The following NUGGC variants were observed in gnomAD, a reference collection of about 807,000 sequenced individuals.
NUGGC encodes the protein nuclear GTPase SLIP-GC.
In NUGGC, 58 loss-of-function variants were observed where a neutral mutation model predicts 92.6. The ratio of observed to expected loss-of-function variants is 0.63; its 90% CI spans 0.51 to 0.78. The LOEUF (loss-of-function observed/expected upper bound fraction) is 0.78. Among genes scored for constraint, NUGGC ranks in the 30% least tolerant of loss-of-function variants. NUGGC has a pLI of 0.00. For synonymous variants in NUGGC, 376 were observed against 366.4 expected, an observed-to-expected ratio of 1.03 and a Z score of -0.30; for missense variants, 925 against 964.6, an observed-to-expected ratio of 0.96 and a Z score of 0.54.
intron 13 of NUGGC, among the ~76,000 whole-genome samples, chr8:28,040,148 C>T (rs1157053483): frequency 6.6e-6 from 1 of 152,112 alleles, no homozygotes; most frequent in Non-Finnish European, 1.5e-5. Context: ...TGGTTCAGGC[C>T]ACCCAGTCTA....
intron 13 of NUGGC, among the ~76,000 whole-genome samples, chr8:28,034,439 A>G (rs895233189): frequency 6.6e-6 from 1 of 152,260 alleles, no homozygotes. Flanking sequence ...GCCACATAGC[A>G]TTGTACAATT....
intron 13 of NUGGC, among the ~76,000 whole-genome samples, chr8:28,035,210 A>G (rs1809524474): frequency 6.6e-6 from 1 of 152,156 alleles, no homozygotes; most frequent in Admixed American, 6.5e-5. Flanking sequence ...ACTTTCTGTG[A>G]TCTGGGTTTT....
chr8:28,028,458 G>T (rs1809325525), intron 17 of NUGGC, among the ~76,000 whole-genome samples: 1 of 152,232 alleles, frequency 6.6e-6, no homozygotes, highest in African/African-American at 2.4e-5. Context: ...GATGTTTCAA[G>T]AAGGCTGGTT....
At chr8:28,023,929 G>A (rs1000367926) in intron 18 of NUGGC, among the ~76,000 whole-genome samples, 66 of 152,156 alleles carry the variant, frequency 4.3e-4, no homozygotes, top group Non-Finnish European at 4.0e-4. Flanking sequence ...AACTTGTTTA[G>A]GTCACAGGGC....
chr8:28,067,774 C>G, intron 5 of NUGGC, 30 bp from the exon 6 acceptor site: 1 of 1,546,992 alleles, frequency 6.5e-7, no homozygotes, highest in Non-Finnish European at 8.9e-7. Flanking sequence ...CCAAGCCCCT[C>G]TTGACACAGA....
chr8:28,024,523 C>T (rs1326238162), intron 18 of NUGGC, among the ~76,000 whole-genome samples: 1 of 152,212 alleles, frequency 6.6e-6, no homozygotes, highest in East Asian at 1.9e-4. Flanking sequence ...AAATCTCTTC[C>T]TCTATCTATC....
At chr8:28,064,774 A>G in intron 6 of NUGGC, 43 bp from the exon 7 acceptor site, 1 of 1,547,696 alleles carries the variant, frequency 6.5e-7, no homozygotes, top group Non-Finnish European at 8.9e-7. Flanking sequence ...CCATGCACCC[A>G]GCTCTGTTCA....
At chr8:28,036,390 C>A (rs1439141657) in intron 13 of NUGGC, among the ~76,000 whole-genome samples, 1 of 151,980 alleles carries the variant, frequency 6.6e-6, no homozygotes, top group Admixed American at 6.6e-5. Flanking sequence ...CTGTCCTTCT[C>A]TCCACTCCTC....
chr8:28,045,651 T>C lies in NUGGC; in HGVS notation c.1322A>G (p.Lys441Arg), dbSNP rs1809813305. Reference sequence around the variant, plus strand: ...GCTCTTCCTGATGTATTCTCTTAACTTAGGGATTTCTGGAATTCACAGGCA... The same window carrying C: ...GCTCTTCCTGATGTATTCTCTTAACCTAGGGATTTCTGGAATTCACAGGCA... ...LLTEEETEIP[K>R]LREYIRKSLL... The change falls in exon 12 of 19, where the codon AAG becomes AGG. Residue 441 changes from lysine to arginine, a missense_variant. Lys to Arg is a conservative substitution (Grantham distance 26). Coordinates refer to ENST00000413272, the MANE Select transcript of NUGGC (RefSeq NM_001010906.2). The C allele has an allele frequency of 6.2e-7, 1 of 1,609,950 alleles. No homozygotes were observed.
In NUGGC at chr8:28,047,490, TA is replaced by T. The variant is rs747242958; in HGVS notation, c.1312+16del. On this transcript the variant is annotated intron_variant, in intron 11 of 18. Coordinates refer to ENST00000413272, the MANE Select transcript of NUGGC (RefSeq NM_001010906.2). ...CTTGAGAATTTTAGTGATGGAGATT[TA>T]AAAAACATAAATTACCCGTTTCCTC... 8.1e-5 allele frequency: 119 copies of T among 1,471,586 alleles called. 1 individual carries two copies. The South Asian group carries it at 1.3e-3, about 16-fold the overall frequency. The allele number at this position is 1,471,586 out of a possible 1,614,324, so 91.2% of individuals were successfully genotyped here.
intron 4 of NUGGC, among the ~76,000 whole-genome samples, chr8:28,069,300 A>G (rs769333521): frequency 2.0e-5 from 3 of 152,166 alleles, no homozygotes; most frequent in African/African-American, 4.8e-5. Flanking sequence ...AGTGATCATA[A>G]TAGCTCCTAC....
intron 2 of NUGGC, among the ~76,000 whole-genome samples, chr8:28,070,557 C>T (rs988208271): frequency 1.3e-4 from 19 of 151,462 alleles, no homozygotes; most frequent in African/African-American, 4.6e-4. Context: ...TCGAGACATG[C>T]CTGGGCAACA....
intron 2 of NUGGC, 25 bp from the exon 3 acceptor site, chr8:28,070,381 A>T: frequency 8.1e-7 from 1 of 1,232,886 alleles, no homozygotes; most frequent in African/African-American, 1.5e-5. Flanking sequence ...AGGATATATA[A>T]GATTATAGGT....
intron 3 of NUGGC, 178 bp downstream of exon 3, chr8:28,070,074 C>T: frequency 1.0e-5 from 10 of 982,970 alleles, no homozygotes; most frequent in Non-Finnish European, 1.2e-5. Context: ...CCCACAGATG[C>T]CTGGAGACAA....
At chr8:28,081,095 G>A (rs543708368) in intron 1 of NUGGC, among the ~76,000 whole-genome samples, 21 of 152,262 alleles carry the variant, frequency 1.4e-4, no homozygotes, top group African/African-American at 2.6e-4. Flanking sequence ...AAGGTGGGCC[G>A]ATCACTTGAG....
intron 10 of NUGGC, among the ~76,000 whole-genome samples, chr8:28,047,955 G>A (rs1809883175): frequency 6.6e-6 from 1 of 152,170 alleles, no homozygotes; most frequent in Non-Finnish European, 1.5e-5. Flanking sequence ...CACATGTCTG[G>A]AATAGGCAGT....
chr8:28,058,066 C>T (rs190088344), intron 9 of NUGGC, among the ~76,000 whole-genome samples, 192 bp downstream of exon 9: 1 of 151,986 alleles, frequency 6.6e-6, no homozygotes, highest in Non-Finnish European at 1.5e-5. Flanking sequence ...ATGGTGGGTA[C>T]CTGTAATCCC....
chr8:28,070,472 C>T, intron 2 of NUGGC, 116 bp from the exon 3 acceptor site: 1 of 594,198 alleles, frequency 1.7e-6, no homozygotes. Flanking sequence ...TGCAGTGGCT[C>T]ATGTCTGTAA....
At chr8:28,083,187 C>A (rs118155000) in intron 1 of NUGGC, among the ~76,000 whole-genome samples, 4,608 of 152,322 alleles carry the variant, frequency 0.03, 96 homozygotes, top group Non-Finnish European at 0.047. Flanking sequence ...AGAAACCAGA[C>A]AAGCGCTGCC....
Sources: gnomAD v4.1 joint callset for allele counts (sites outside exome capture counted in the v4.1 genomes callset) on GRCh38, gnomAD v4.1.1 for gene constraint, MANE v1.5 for transcripts, NCBI Gene and HGNC (gene_info 2026-07-23, HGNC 2026-07-21) for gene names.